The following SREBF2 variants were observed in gnomAD, a reference collection of about 807,000 sequenced individuals.
SREBF2 encodes sterol regulatory element binding transcription factor 2, also known as sterol regulatory element-binding protein 2.
Under a neutral mutation model 113.1 loss-of-function variants are expected in SREBF2, and 55 were observed. The observed-to-expected ratio is 0.49, with a 90% confidence interval of 0.39 to 0.61. SREBF2 has a LOEUF of 0.61. Ranked by LOEUF, SREBF2 falls within the 20% of genes least tolerant of loss-of-function variation. The pLI is 0.00. For synonymous variants in SREBF2, 593 were observed against 605.7 expected (o/e 0.98, Z 0.31); for missense variants, 1,349 against 1,487.4 (o/e 0.91, Z 1.53).
At chr22:41,854,696 C>T (rs1050982069) in intron 1 of SREBF2, among the ~76,000 whole-genome samples, 10 of 151,128 alleles carry the variant, frequency 6.6e-5, no homozygotes, top group Non-Finnish European at 1.3e-4. Flanking sequence ...TGGTGAAACC[C>T]GGTCTCAACT....
chr22:41,860,664 A>C lies in SREBF2; in HGVS notation c.89-6167A>C, dbSNP rs112738485. On this transcript the variant is annotated intron_variant, in intron 1 of 18. Coordinates refer to ENST00000361204, the MANE Select transcript of SREBF2 (RefSeq NM_004599.4). ...GAGGCCAAGTCAAGAGGATCGCTTG[A>C]GCCCAGGAGTTTGAGACCAGCTTAG... is the stretch of plus-strand genomic sequence containing the variant. 4.6e-5 allele frequency among the ~76,000 whole-genome samples: 7 copies of C among 152,046 alleles called. 1 individual carries two copies. The highest frequency in any genetic ancestry group is 1.7e-4 in the African/African-American group (7 of 41,452).
intron 1 of SREBF2, among the ~76,000 whole-genome samples, chr22:41,858,611 G>A (rs2076997850): frequency 6.6e-6 from 1 of 152,038 alleles, no homozygotes; most frequent in South Asian, 2.1e-4. Context: ...ATCTGGACAT[G>A]GTGGTGTGTG....
At chr22:41,899,370 C>G in intron 15 of SREBF2, 1 of 1,010,806 alleles carries the variant, frequency 9.9e-7, no homozygotes, top group Non-Finnish European at 1.2e-6. Context: ...GCATTCGGCA[C>G]TAGTGATGGG....
intron 1 of SREBF2, chr22:41,834,058 C>T (rs1030346530): frequency 6.6e-6 from 1 of 152,552 alleles, no homozygotes; most frequent in Admixed American, 6.6e-5. Context: ...GGCCTTTGTT[C>T]CAGCGCCTTA....
rs139293286 is a variant in SREBF2, at chr22:41,866,958, C to A, written c.216C>A (p.Ser72Arg). The A allele has an allele frequency of 8.0e-5, 129 of 1,613,964 alleles. No homozygotes were observed. Among genetic ancestry groups the A allele is most frequent in the Non-Finnish European group, 8.8e-5 (104 of 1,180,000 alleles). ...GCGGCAGCAGTGGCAGCAGCAGCAG[C>A]AGCAGCAATGGCAGGGGCAGCAGCA... ...SSSGSSGSSS[S>R]SSNGRGSSSG... is the part of the protein sequence containing the mutation. The change falls in exon 2 of 19, where the codon AGC (serine) becomes AGA (arginine). Residue 72 changes from serine to arginine, a missense_variant. Ser to Arg is a moderately radical substitution (Grantham distance 110). Around this residue, in one of 2 missense-constraint regions of SREBF2, gnomAD observed 699 missense variants for 843.3 expected, o/e 0.83. Transcript: ENST00000361204.
rs2077012755 is a variant in SREBF2, at chr22:41,860,071, C to T, written c.89-6760C>T. 2.0e-5 allele frequency among the ~76,000 whole-genome samples: 3 copies of T among 151,832 alleles called. No individual in the cohort carries two copies. In the South Asian group the frequency reaches 6.2e-4, roughly 31 times the overall value. On this transcript the variant is annotated intron_variant, in intron 1 of 18. Coordinates refer to ENST00000361204, the MANE Select transcript of SREBF2 (RefSeq NM_004599.4). ...CCGCCCGCCTCGGCCTCCCAAAGTG[C>T]TGGGATTACAGGTGTGAGCCACCGC...
chr22:41,874,030 A>G lies in SREBF2; in HGVS notation c.1089+11A>G, dbSNP rs375117142. On this transcript the variant is annotated intron_variant, in intron 5 of 18. Coordinates refer to ENST00000361204, the MANE Select transcript of SREBF2 (RefSeq NM_004599.4). ...GGGACAGACGCCAAGGTGGGTGCCA[A>G]GCAAAATTGTGTTTTATGTTCCACC... 3 of 1,614,118 alleles carry G rather than the reference A, an allele frequency of 1.9e-6. No individual in the cohort carries two copies. Among genetic ancestry groups the G allele is most frequent in the East Asian group, 2.2e-5 (1 of 44,886 alleles).
At chr22:41,875,473 T>G (rs763403780) in intron 6 of SREBF2, 22 bp downstream of exon 6, 71 of 1,614,108 alleles carry the variant, frequency 4.4e-5, no homozygotes, top group Non-Finnish European at 5.8e-5. Flanking sequence ...GAGAAAAGGC[T>G]TGTCAGCCCT....
chr22:41,899,184 G>A, intron 15 of SREBF2: 1 of 1,126,320 alleles, frequency 8.9e-7, no homozygotes, highest in Non-Finnish European at 1.1e-6. Flanking sequence ...AAACTCATGT[G>A]CACTGGAGCA....
intron 15 of SREBF2, chr22:41,900,085 G>A (rs765276973): frequency 1.5e-5 from 21 of 1,422,650 alleles, no homozygotes; most frequent in Non-Finnish European, 1.9e-5. Flanking sequence ...AGACGTGATG[G>A]TGAAGCCTGT....
chr22:41,865,135 A>G (rs1602299768), intron 1 of SREBF2, among the ~76,000 whole-genome samples: 1 of 107,034 alleles, frequency 9.3e-6, no homozygotes, highest in Admixed American at 1.1e-4. Context: ...AGGCCCCCAC[A>G]TCCCCCAAAA....
At chr22:41,846,864 C>T (rs765837914) in intron 1 of SREBF2, among the ~76,000 whole-genome samples, 13 of 152,166 alleles carry the variant, frequency 8.5e-5, no homozygotes, top group Non-Finnish European at 1.5e-4. Flanking sequence ...CTGTTCTTGC[C>T]CTTGTCGCAG....
At chr22:41,882,793 C>T (rs993455915) in intron 10 of SREBF2, among the ~76,000 whole-genome samples, 7 of 152,150 alleles carry the variant, frequency 4.6e-5, no homozygotes, top group African/African-American at 1.4e-4. Flanking sequence ...GCAACAAGAG[C>T]AAAACTCCAT....
intron 7 of SREBF2, 125 bp downstream of exon 7, chr22:41,875,849 A>C (rs748640328): frequency 9.1e-7 from 1 of 1,103,460 alleles, no homozygotes; most frequent in Non-Finnish European, 1.3e-6. Context: ...GAAAAACAGG[A>C]ATTCTGTGAA....
intron 1 of SREBF2, among the ~76,000 whole-genome samples, chr22:41,865,174 C>T (rs562947881): frequency 6.6e-6 from 1 of 151,814 alleles, no homozygotes; most frequent in Non-Finnish European, 1.5e-5. Flanking sequence ...CACACAGCAT[C>T]AGAGACCTGA....
chr22:41,837,946 A>C (rs534919003), intron 1 of SREBF2, among the ~76,000 whole-genome samples: 1 of 152,124 alleles, frequency 6.6e-6, no homozygotes, highest in African/African-American at 2.4e-5. Context: ...TAGGCACCCA[A>C]TAAAGCATGT....
rs1300118830 is a variant in SREBF2 at position 41,890,494 on chromosome 22, C to T, written c.2209-2623C>T. On this transcript the variant is annotated intron_variant, in intron 11 of 18. Coordinates refer to ENST00000361204, the MANE Select transcript of SREBF2 (RefSeq NM_004599.4). Reference sequence around the variant, plus strand: ...TTAGACCGATGTTAGGGGACACAACCTGGGGTTGGGACTGGCCCAGGGATA... The same window carrying T: ...TTAGACCGATGTTAGGGGACACAACTTGGGGTTGGGACTGGCCCAGGGATA... Among the ~76,000 whole-genome samples, 3 of 152,154 alleles carry T rather than the reference C, an allele frequency of 2.0e-5. 1 individual carries two copies. Among genetic ancestry groups the T allele is most frequent in the African/African-American group, 7.2e-5 (3 of 41,426 alleles).
At chr22:41,858,096 A>G (rs2076994017) in intron 1 of SREBF2, among the ~76,000 whole-genome samples, 1 of 152,204 alleles carries the variant, frequency 6.6e-6, no homozygotes, top group Admixed American at 6.5e-5. Flanking sequence ...GGGAGATAGG[A>G]TCATTATGAT....
At chr22:41,896,948 A>C in intron 13 of SREBF2, 104 bp from the exon 14 acceptor site, 1 of 771,716 alleles carries the variant, frequency 1.3e-6, no homozygotes, top group East Asian at 2.8e-5. Context: ...AAAGGGACAG[A>C]AATGGCCATT....
Sources: gnomAD v4.1 joint callset for allele counts (sites outside exome capture counted in the v4.1 genomes callset) on GRCh38, gnomAD v4.1.1 for gene constraint, gnomAD v4.1.1 regional missense constraint, MANE v1.5 for transcripts, NCBI Gene and HGNC (gene_info 2026-07-23, HGNC 2026-07-21) for gene names.